Variants in SNTG1 observed in about 807,000 individuals in gnomAD.
SNTG1 encodes the protein syntrophin gamma 1.
SNTG1 carries 39 observed loss-of-function variants against 74.7 expected under a neutral mutation model. The observed-to-expected ratio is 0.52, with a 90% confidence interval of 0.40 to 0.68. The LOEUF (loss-of-function observed/expected upper bound fraction) is 0.68. Among genes scored for constraint, SNTG1 ranks in the 30% least tolerant of loss-of-function variants. SNTG1 has a pLI of 0.00. For missense variants in SNTG1, 685 were observed against 609.5 expected (o/e 1.12, Z -1.30); for synonymous variants, 254 against 217.1 (o/e 1.17, Z -1.49).
intron 13 of SNTG1, among the ~76,000 whole-genome samples, chr8:50,632,139 C>G (rs1358141479): frequency 6.6e-6 from 1 of 151,828 alleles, no homozygotes; most frequent in East Asian, 1.9e-4. Context: ...CAAAACAGGT[C>G]AAAATACAGA....
intron 4 of SNTG1, among the ~76,000 whole-genome samples, chr8:50,403,578 G>T: frequency 6.6e-6 from 1 of 152,194 alleles, no homozygotes; most frequent in South Asian, 2.1e-4. Context: ...CTTTGATACT[G>T]AAATAATATT....
chr8:50,288,821 G>A (rs2088929229), intron 2 of SNTG1, among the ~76,000 whole-genome samples: 1 of 152,084 alleles, frequency 6.6e-6, no homozygotes, highest in African/African-American at 2.4e-5. Context: ...ACTCCACCTA[G>A]GAATTGCATG....
chr8:50,081,372 G>A (rs1229162873), intron 1 of SNTG1, among the ~76,000 whole-genome samples: 9 of 152,072 alleles, frequency 5.9e-5, no homozygotes, highest in Admixed American at 5.2e-4. Context: ...TCAGTAGTTA[G>A]ACTACTATGT....
chr8:50,586,160 T>A (rs1005952304), intron 12 of SNTG1, among the ~76,000 whole-genome samples: 6 of 152,186 alleles, frequency 3.9e-5, no homozygotes, highest in Non-Finnish European at 8.8e-5. Flanking sequence ...AAGAAAGACA[T>A]CTTTGCTCAG....
intron 1 of SNTG1, among the ~76,000 whole-genome samples, chr8:50,024,942 A>G (rs1817141627): frequency 6.6e-6 from 1 of 152,098 alleles, no homozygotes; most frequent in Non-Finnish European, 1.5e-5. Context: ...GTATGCATGC[A>G]ATTTAAAATT....
At chr8:50,352,466 C>T (rs1177259588) in intron 2 of SNTG1, among the ~76,000 whole-genome samples, 1 of 152,016 alleles carries the variant, frequency 6.6e-6, no homozygotes, top group African/African-American at 2.4e-5. Context: ...TCTCGGCTCA[C>T]TGCAACCTCC....
intron 1 of SNTG1, among the ~76,000 whole-genome samples, chr8:50,037,627 A>G (rs1585999922): frequency 1.3e-5 from 2 of 152,244 alleles, no homozygotes; most frequent in African/African-American, 4.8e-5. Context: ...ATGATGTAAC[A>G]TAAGTTTTAA....
At chr8:50,175,646 T>A (rs2131678604) in intron 2 of SNTG1, among the ~76,000 whole-genome samples, 1 of 152,250 alleles carries the variant, frequency 6.6e-6, no homozygotes, top group African/African-American at 2.4e-5. Flanking sequence ...TCATGCACAG[T>A]AAATCCTGAC....
intron 13 of SNTG1, among the ~76,000 whole-genome samples, chr8:50,646,428 T>C (rs4873152): frequency 0.75 from 113,921 of 152,120 alleles, 43,642 homozygotes; most frequent in East Asian, 0.92. Flanking sequence ...CTGGAAACCA[T>C]GGTAATATTA....
intron 9 of SNTG1, among the ~76,000 whole-genome samples, chr8:50,507,423 G>A (rs1452205471): frequency 6.6e-6 from 1 of 151,946 alleles, no homozygotes; most frequent in African/African-American, 2.4e-5. Context: ...TTAAATGCTT[G>A]GTAAAGTTCT....
chr8:50,490,422 T>C (rs1587803311), intron 8 of SNTG1, among the ~76,000 whole-genome samples: 1 of 152,198 alleles, frequency 6.6e-6, no homozygotes, highest in African/African-American at 2.4e-5. Flanking sequence ...GTTTTTCCAT[T>C]TGTGTCCTCT....
chr8:49,977,350 A>G (rs1812290353), intron 1 of SNTG1, among the ~76,000 whole-genome samples: 2 of 151,958 alleles, frequency 1.3e-5, no homozygotes, highest in Admixed American at 1.3e-4. Context: ...TTTCATTCCC[A>G]TTTTGAACGC....
At chr8:50,560,784 G>A (rs969209749) in intron 12 of SNTG1, among the ~76,000 whole-genome samples, 9 of 152,048 alleles carry the variant, frequency 5.9e-5, no homozygotes, top group Admixed American at 5.2e-4. Flanking sequence ...CCTGTATGAG[G>A]GGTTTATCTG....
intron 15 of SNTG1, among the ~76,000 whole-genome samples, chr8:50,688,030 GT>G (rs201934167): frequency 6.6e-6 from 1 of 152,022 alleles, no homozygotes; most frequent in Non-Finnish European, 1.5e-5. Flanking sequence ...TTTTTCATGC[GT>G]TTTTTGGCTG....
intron 2 of SNTG1, among the ~76,000 whole-genome samples, chr8:50,206,902 C>T (rs907548563): frequency 1.3e-5 from 2 of 152,126 alleles, no homozygotes; most frequent in Non-Finnish European, 2.9e-5. Context: ...AGACTTTCAT[C>T]CTAGGGATGA....
At chr8:50,673,461 G>A (rs1181570879) in intron 15 of SNTG1, among the ~76,000 whole-genome samples, 2 of 152,100 alleles carry the variant, frequency 1.3e-5, no homozygotes, top group Admixed American at 6.6e-5. Context: ...GTTCATTCAT[G>A]ATTTGGCTCT....
rs78655974 is a variant in SNTG1 at position 50,514,254 on chromosome 8, G to T, written c.466+11374G>T. Among the ~76,000 whole-genome samples the T allele has an allele frequency of 3.4e-4, 52 of 151,662 alleles. No homozygotes were observed. The East Asian group carries it at 8.9e-3, about 26-fold the overall frequency. ...TAATGGCTCTCCTTCTGCTACCTTG[G>T]GTTTAGTTTGTTTCTTTTTCTAGTT... On this transcript the variant is annotated intron_variant, in intron 9 of 18. Transcript: ENST00000642720.
intron 2 of SNTG1, among the ~76,000 whole-genome samples, chr8:50,382,656 A>G (rs1380567979): frequency 1.3e-5 from 2 of 152,212 alleles, no homozygotes; most frequent in Admixed American, 1.3e-4. Context: ...TTTTTTAAAA[A>G]AGAAATATGC....
chr8:50,091,339 A>G lies in SNTG1; in HGVS notation c.-102-81222A>G, dbSNP rs960956977. Among the ~76,000 whole-genome samples the G allele has an allele frequency of 5.9e-5, 9 of 151,960 alleles. 1 individual carries two copies. The highest frequency in any genetic ancestry group is 5.3e-4 in the Admixed American group (8 of 15,234). On this transcript the variant is annotated intron_variant, in intron 1 of 18. Transcript: ENST00000642720. ...CACCTGAAATCTACTCTTTTAGCAA[A>G]CTTCCAGTATATAATACAGTATTAC...
Sources: gnomAD v4.1 joint callset for allele counts (sites outside exome capture counted in the v4.1 genomes callset) on GRCh38, gnomAD v4.1.1 for gene constraint, MANE v1.5 for transcripts, NCBI Gene and HGNC (gene_info 2026-07-23, HGNC 2026-07-21) for gene names.